Variants in CLSTN3 observed in about 807,000 individuals in gnomAD.
The protein encoded by CLSTN3 is calsyntenin 3, also known as calsyntenin-3.
Under a neutral mutation model 95.9 loss-of-function variants are expected in CLSTN3, and 36 were observed. The observed-to-expected ratio is 0.38, with a 90% confidence interval of 0.29 to 0.50. The LOEUF is 0.50. CLSTN3 is among the 20% of genes least tolerant of loss of function. CLSTN3 has a pLI of 0.95. For missense variants in CLSTN3, 1,084 were observed against 1,268.8 expected, an observed-to-expected ratio of 0.85 and a Z score of 2.21; for synonymous variants, 481 against 504.0, an observed-to-expected ratio of 0.95 and a Z score of 0.61.
chr12:7,157,422 G>T lies in CLSTN3; in HGVS notation c.2528-67G>T. ...CCCGGGCTGCCTCTTTTCCTACCCA[G>T]CCCCCTGTCCAAGTGCCCCCAGGTG... On this transcript the variant is annotated intron_variant, in intron 16 of 17. Transcript: ENST00000266546. The surrounding 1 kb of genome is among the most constrained non-coding windows in gnomAD (Gnocchi z 5.9). 4 of 1,407,236 alleles carry T rather than the reference G, an allele frequency of 2.8e-6. No homozygotes were observed. Among genetic ancestry groups the T allele is most frequent in the Non-Finnish European group, 3.8e-6 (4 of 1,048,088 alleles). 87.2% of individuals were successfully genotyped at this position (1,407,236 alleles called of 1,614,324 possible). A position where few individuals can be genotyped will look rare whatever the true frequency, so the allele number is the denominator to read the frequency against.
Position 7,130,402 on chromosome 12 carries a change from A to T in CLSTN3, c.-247A>T, listed in dbSNP as rs903403150. 1 of 1,396,210 alleles carries T rather than the reference A, an allele frequency of 7.2e-7. No homozygotes were observed. The highest frequency in any genetic ancestry group is 2.8e-5 in the East Asian group (1 of 35,376). The allele number at this position is 1,396,210 out of a possible 1,614,324, so 86.5% of individuals were successfully genotyped here. A position where few individuals can be genotyped will look rare whatever the true frequency, so the allele number is the denominator to read the frequency against. The stretch of plus-strand genomic sequence containing the variant: ...CAGTAGCGGGGTTGGGGTGGGAGTG[A>T]GAGAGTGAGGACGCTGGGCTGGGGG... On this transcript the variant is annotated 5_prime_UTR_variant, in exon 1 of 18. Coordinates refer to ENST00000266546, the MANE Select transcript of CLSTN3 (RefSeq NM_014718.4).
rs1939345208 is a variant in CLSTN3, at chr12:7,133,547, A to T, written c.188-26A>T. 3.1e-6 allele frequency: 5 copies of T among 1,610,064 alleles called. No individual in the cohort carries two copies. The East Asian group carries it at 1.1e-4, about 36-fold the overall frequency. ...GTGGGGAAGGAGACACAGCAGCCTCACTCCTCCCCTTCTCCCCTTTGCCAG... is the reference window on the plus strand; with the variant it reads ...GTGGGGAAGGAGACACAGCAGCCTCTCTCCTCCCCTTCTCCCCTTTGCCAG... On this transcript the variant is annotated intron_variant, in intron 2 of 17. Transcript: ENST00000266546. The surrounding 1 kb of genome is among the most constrained non-coding windows in gnomAD (Gnocchi z 4.7).
rs759825757 is a variant in CLSTN3 at position 7,135,813 on chromosome 12, A to G, written c.602A>G (p.Glu201Gly). The G allele has an allele frequency of 1.9e-6, 3 of 1,607,000 alleles. No homozygotes were observed. Among genetic ancestry groups the G allele is most frequent in the Admixed American group, 3.4e-5 (2 of 58,788 alleles). Residue 201 changes from glutamate (E) to glycine (G), a missense_variant, in exon 5 of 18, where the codon GAG (glutamate) becomes GGG (glycine). Coordinates refer to ENST00000266546, the MANE Select transcript of CLSTN3 (RefSeq NM_014718.4). ...PFLIDNDGNI[E>G]NTEKLQYSGE... Reference sequence around the variant, plus strand: ...CCTGACCCCACCCCAGGGAACATTGAGAACACAGAGAAGCTGCAGTACAGT... The same window carrying G: ...CCTGACCCCACCCCAGGGAACATTGGGAACACAGAGAAGCTGCAGTACAGT...
At chr12:7,138,104 G>A in intron 8 of CLSTN3, 37 bp downstream of exon 8, 1 of 1,506,534 alleles carries the variant, frequency 6.6e-7, no homozygotes, top group South Asian at 1.1e-5. Flanking sequence ...GGGCTGAGTA[G>A]ATGTGACTCA....
chr12:7,136,349 G>A lies in CLSTN3; in HGVS notation c.886G>A (p.Asp296Asn). ...GACCAGCCATGTGGCCAAGGGCTGT[G>A]ACCGTGACAACTACTCAGAGCGGGC... The part of the protein sequence containing the change: ...LQTSHVAKGC[D>N]RDNYSERALR... The change falls in exon 6 of 18, where the codon GAC becomes AAC. Residue 296 changes from aspartate (D) to asparagine (N), a missense_variant. By Grantham distance (23) the Asp-to-Asn change is conservative. Transcript: ENST00000266546. 6.2e-7 allele frequency: 1 copy of A among 1,614,144 alleles called. No homozygotes were observed. Among genetic ancestry groups the A allele is most frequent in the Non-Finnish European group, 8.5e-7 (1 of 1,179,992 alleles).
chr12:7,138,166 C>T, intron 8 of CLSTN3, 99 bp downstream of exon 8: 1 of 774,868 alleles, frequency 1.3e-6, no homozygotes, highest in Non-Finnish European at 2.1e-6. Context: ...TGGGTTCCCC[C>T]TTGCCCTCTC....
rs1199129240 is a variant in CLSTN3 at position 7,142,118 on chromosome 12, A to G, written c.1519A>G (p.Asn507Asp). The change falls in exon 10 of 18, where the codon AAC (asparagine) becomes GAC (aspartate). Residue 507 changes from asparagine (N) to aspartate (D), a missense_variant. Physicochemically the swap from Asn to Asp is conservative, Grantham distance 23. Coordinates refer to ENST00000266546, the MANE Select transcript of CLSTN3 (RefSeq NM_014718.4). ...EKNKEKEKGD[N>D]STDTTQGDPL... is the part of the protein sequence containing the mutation. The stretch of plus-strand genomic sequence containing the variant: ...GAACAAAGAGAAGGAAAAGGGAGAC[A>G]ACAGTACAGACACCACCCAAGGTAC... The G allele has an allele frequency of 6.2e-7, 1 of 1,609,700 alleles. No individual in the cohort carries two copies. Among genetic ancestry groups the G allele is most frequent in the Non-Finnish European group, 8.5e-7 (1 of 1,177,526 alleles).
At chr12:7,131,838 A>G (rs1242144489) in intron 1 of CLSTN3, 1 of 456,410 alleles carries the variant, frequency 2.2e-6, no homozygotes, top group Non-Finnish European at 4.4e-6. Flanking sequence ...GGTGGTCATC[A>G]GTAAGAAAGC....
At chr12:7,145,615 C>T (rs975472572) in intron 12 of CLSTN3, among the ~76,000 whole-genome samples, 10 of 151,724 alleles carry the variant, frequency 6.6e-5, no homozygotes, top group Non-Finnish European at 1.3e-4. Context: ...GTGGAATTGA[C>T]CCCTGAACAG....
chr12:7,139,519 G>A (rs765695713), intron 8 of CLSTN3, among the ~76,000 whole-genome samples: 16 of 152,178 alleles, frequency 1.1e-4, no homozygotes, highest in Non-Finnish European at 2.1e-4. Context: ...CAGTGATCAG[G>A]TTGTACAGTG....
chr12:7,155,100 T>C (rs1366327542), intron 16 of CLSTN3, among the ~76,000 whole-genome samples: 1 of 152,160 alleles, frequency 6.6e-6, no homozygotes, highest in Non-Finnish European at 1.5e-5. Context: ...GACAGGGCTT[T>C]CCACTGTCCT....
intron 12 of CLSTN3, among the ~76,000 whole-genome samples, chr12:7,147,025 C>G (rs1939631550): frequency 1.3e-5 from 2 of 152,140 alleles, no homozygotes; most frequent in Admixed American, 1.3e-4. Context: ...CCTTTTTACT[C>G]CAGCATTCAA....
Position 7,141,485 on chromosome 12 carries a change from C to T in CLSTN3, c.1486+81C>T, listed in dbSNP as rs1939525488. 3 of 1,491,716 alleles carry T rather than the reference C, an allele frequency of 2.0e-6. No individual in the cohort carries two copies. Among genetic ancestry groups the T allele is most frequent in the Admixed American group, 3.5e-5 (2 of 57,316 alleles). The allele number at this position is 1,491,716 out of a possible 1,614,324, so 92.4% of individuals were successfully genotyped here. A position where few individuals can be genotyped will look rare whatever the true frequency, so the allele number is the denominator to read the frequency against. ...GGTGAGGAGCAAGGGCAGTCTGACC[C>T]AGCAGCTGAGGCCGCCTCCTGCATC... On this transcript the variant is annotated intron_variant, in intron 9 of 17. Transcript: ENST00000266546. The surrounding 1 kb of genome is among the most constrained non-coding windows in gnomAD (Gnocchi z 4.1).
intron 3 of CLSTN3, 118 bp from the exon 4 acceptor site, chr12:7,135,209 A>G (rs1314596824): frequency 6.6e-6 from 6 of 915,428 alleles, no homozygotes; most frequent in Non-Finnish European, 1.0e-5. Context: ...TCAAGGCTGT[A>G]TCTTGATGTA....
chr12:7,129,515 G>A (rs2135788575), upstream of CLSTN3: 1 of 685,666 alleles, frequency 1.5e-6, no homozygotes, highest in East Asian at 1.3e-4. The surrounding 1 kb of genome is among the most constrained non-coding windows in gnomAD (Gnocchi z 5.5). Flanking sequence ...GAGTTTGTTG[G>A]CTATTCTGGA....
chr12:7,133,233 TG>T lies in CLSTN3; in HGVS notation c.187+90del. 6.6e-7 allele frequency: 1 copy of T among 1,518,650 alleles called. No homozygotes were observed. The highest frequency in any genetic ancestry group is 9.0e-7 in the Non-Finnish European group (1 of 1,108,892). 94.1% of individuals were successfully genotyped at this position (1,518,650 alleles called of 1,614,324 possible). On this transcript the variant is annotated intron_variant, in intron 2 of 17. Coordinates refer to ENST00000266546, the MANE Select transcript of CLSTN3 (RefSeq NM_014718.4). This position sits in a 1 kb window ranked among gnomAD's most constrained non-coding sequence, Gnocchi z 4.7. ...AGAGCAAGGGAGGGAGGGAAGGTCC[TG>T]GGAGTGATGAGAAAGTAAGGGAAGA...
Position 7,150,635 on chromosome 12 carries a change from G to A in CLSTN3, c.2337G>A (p.Arg779=), listed in dbSNP as rs780869693. ...CTGCCCTCTACACCAGGAAGTTCCG[G>A]CTTTCCTGCTCGGAAATGAATGGCC... The part of the protein sequence containing the change: ...HGAALYTRKF[R]LSCSEMNGRY... Residue 779 remains arginine (R), a synonymous_variant, in exon 15 of 18, where the codon CGG becomes CGA. Coordinates refer to ENST00000266546, the MANE Select transcript of CLSTN3 (RefSeq NM_014718.4). The surrounding 1 kb of genome is among the most constrained non-coding windows in gnomAD (Gnocchi z 4.0). 3.1e-6 allele frequency: 5 copies of A among 1,614,182 alleles called. No homozygotes were observed. The Admixed American group carries it at 8.3e-5, about 27-fold the overall frequency.
intron 1 of CLSTN3, chr12:7,131,030 G>T: frequency 6.2e-6 from 3 of 482,460 alleles, no homozygotes; most frequent in Non-Finnish European, 1.1e-5. Context: ...GCTACCTCGG[G>T]TCTGGGAAGG....
Position 7,146,141 on chromosome 12 carries a change from A to C in CLSTN3, c.1847+2830A>C, listed in dbSNP as rs572210703. Among the ~76,000 whole-genome samples, 90 of 152,292 alleles carry C rather than the reference A, an allele frequency of 5.9e-4. 1 individual carries two copies. The highest frequency in any genetic ancestry group is 1.7e-3 in the African/African-American group (71 of 41,580). On this transcript the variant is annotated intron_variant, in intron 12 of 17. Coordinates refer to ENST00000266546, the MANE Select transcript of CLSTN3 (RefSeq NM_014718.4). The stretch of plus-strand genomic sequence containing the variant: ...AGACGTCGGTGGCTTCCTCTTGCCC[A>C]CTGCATAAAAATGTCAAATGTGCTG...
Sources: allele counts gnomAD v4.1 joint callset (sites outside exome capture counted in the v4.1 genomes callset), GRCh38; gene constraint gnomAD v4.1.1; non-coding constraint Gnocchi (gnomAD v3.1); transcripts MANE v1.5; gene names NCBI Gene and HGNC (gene_info 2026-07-23, HGNC 2026-07-21).